The following MACF1 variants were observed in gnomAD, a reference collection of about 807,000 sequenced individuals.
The protein encoded by MACF1 is microtubule actin crosslinking factor 1, also known as microtubule-actin cross-linking factor 1.
MACF1 carries 193 observed loss-of-function variants against 854.8 expected under a neutral mutation model. The ratio of observed to expected loss-of-function variants is 0.23; its 90% CI spans 0.20 to 0.25. The LOEUF (loss-of-function observed/expected upper bound fraction) is 0.25. Ranked by LOEUF, MACF1 falls within the 10% of genes least tolerant of loss-of-function variation. MACF1 has a pLI of 1.00. For synonymous variants in MACF1, 3,185 were observed against 3,226.7 expected (o/e 0.99, Z 0.44); for missense variants, 7,722 against 8,929.1 (o/e 0.86, Z 5.45).
Position 39,335,627 on chromosome 1 carries a change from A to G in MACF1, c.9039A>G (p.Ile3013Met). The G allele has an allele frequency of 1.2e-6, 2 of 1,614,196 alleles. No homozygotes were observed. Among genetic ancestry groups the G allele is most frequent in the Non-Finnish European group, 8.5e-7 (1 of 1,180,022 alleles). The change falls in exon 37 of 101, where the codon ATA becomes ATG. Residue 3013 changes from isoleucine to methionine, a missense_variant. Coordinates refer to ENST00000564288, the MANE Select transcript of MACF1 (RefSeq NM_001394062.1). ...TTAGAGATGAGCATGACTCCCATAT[A>G]AAGAGCCAACCTAGGGAAATGACCT... Reference protein sequence around the residue: ...TAIRDEHDSHIKSQPREMTSS... With the variant: ...TAIRDEHDSHMKSQPREMTSS...
intron 58 of MACF1, chr1:39,411,102 G>A (rs372520363): frequency 2.5e-5 from 41 of 1,613,380 alleles, no homozygotes; most frequent in Admixed American, 6.7e-5. Flanking sequence ...ACCCCCTTGG[G>A]GACACAGCCT....
At chr1:39,300,507 T>TAA (rs35489653) in intron 22 of MACF1, 145 bp downstream of exon 22, 72,207 of 494,684 alleles carry the variant, frequency 0.15, no homozygotes, top group East Asian at 0.19. Context: ...TCCTATCATT[T>TAA]AAAAAAAAAA....
chr1:39,096,046 G>A (rs1249898620), intron 2 of MACF1, among the ~76,000 whole-genome samples: 1 of 151,880 alleles, frequency 6.6e-6, no homozygotes, highest in Non-Finnish European at 1.5e-5. Flanking sequence ...GCACATACCT[G>A]TGGACCCAAC....
intron 6 of MACF1, among the ~76,000 whole-genome samples, chr1:39,268,101 A>T (rs1310892562): frequency 1.3e-5 from 2 of 152,190 alleles, no homozygotes; most frequent in African/African-American, 2.4e-5. Context: ...TTTGGGAGCC[A>T]TAATTGCAGC....
At position 39,340,810 on chromosome 1, in the gene MACF1, G is replaced by A; in HGVS notation, c.10438G>A (p.Val3480Met). The change falls in exon 40 of 101, where the codon GTG becomes ATG. Residue 3480 changes from valine to methionine, a missense_variant. By Grantham distance (21) the Val-to-Met change is conservative. Transcript: ENST00000564288. Reference sequence around the variant, plus strand: ...TTTTCCATTTATTTCTTAGACTAAAGTGTTAAATCAGCACACACAGCTAGA... The same window carrying A: ...TTTTCCATTTATTTCTTAGACTAAAATGTTAAATCAGCACACACAGCTAGA... ...QNAVEIEKTK[V>M]LNQHTQLEGR... 2 of 1,613,038 alleles carry A rather than the reference G, an allele frequency of 1.2e-6. No individual in the cohort carries two copies. The highest frequency in any genetic ancestry group is 1.7e-6 in the Non-Finnish European group (2 of 1,179,732).
Position 39,451,164 on chromosome 1 carries a change from G to C in MACF1, c.20371G>C (p.Val6791Leu). The change falls in exon 85 of 101, where the codon GTG becomes CTG. Residue 6791 changes from valine (V) to leucine (L), a missense_variant. By Grantham distance (32) the Val-to-Leu change is conservative (BLOSUM62 1). This residue lies in a region of MACF1 where 729 missense variants were observed against 900.5 expected (regional missense o/e 0.81). Transcript: ENST00000564288. ...GCCACAGCTGGCTGAGGACCAGCCC[G>C]TGCACGGGGACCTTGACCTCGTCAT... Reference protein sequence around the residue: ...VEPQLAEDQPVHGDLDLVMNL... With the variant: ...VEPQLAEDQPLHGDLDLVMNL... The C allele has an allele frequency of 6.2e-7, 1 of 1,614,136 alleles. No individual in the cohort carries two copies. The highest frequency in any genetic ancestry group is 8.5e-7 in the Non-Finnish European group (1 of 1,180,006).
chr1:39,133,772 T>G (rs1269857565), intron 2 of MACF1, among the ~76,000 whole-genome samples: 1 of 152,208 alleles, frequency 6.6e-6, no homozygotes, highest in Non-Finnish European at 1.5e-5. Flanking sequence ...ATACATTGTT[T>G]GCTGTACAAT....
chr1:39,240,566 T>G (rs1644910416), intron 2 of MACF1, among the ~76,000 whole-genome samples: 1 of 152,242 alleles, frequency 6.6e-6, no homozygotes, highest in African/African-American at 2.4e-5. Context: ...TGGTGCGATC[T>G]TGGCTCACTG....
At chr1:39,263,930 C>T (rs1307489535) in intron 6 of MACF1, among the ~76,000 whole-genome samples, 4 of 151,800 alleles carry the variant, frequency 2.6e-5, no homozygotes, top group African/African-American at 9.7e-5. Flanking sequence ...CCCGCCACCA[C>T]ACCCGGCTAA....
intron 84 of MACF1, among the ~76,000 whole-genome samples, chr1:39,450,051 ACGGG>A (rs1476170854): frequency 6.6e-6 from 1 of 151,646 alleles, no homozygotes; most frequent in Non-Finnish European, 1.5e-5. Flanking sequence ...TTTATTAGAG[ACGGG>A]GTTTCACCAT....
Position 39,422,791 on chromosome 1 carries a change from C to G in MACF1, c.16040C>G (p.Ala5347Gly). The change falls in exon 60 of 101, where the codon GCC (alanine) becomes GGC (glycine). Residue 5347 changes from alanine to glycine, a missense_variant. Ala to Gly is a moderately conservative substitution (Grantham distance 60). This residue lies in a region of MACF1 where 2,807 missense variants were observed against 3,235.8 expected (regional missense o/e 0.87). Coordinates refer to ENST00000564288, the MANE Select transcript of MACF1 (RefSeq NM_001394062.1). ...TTGCATTGTGGGAAGTTTCAAGATG[C>G]CTTGGAGCCATTGCTCAGCTGGTTG... ...ALLHCGKFQD[A>G]LEPLLSWLAD... 6.2e-7 allele frequency: 1 copy of G among 1,614,162 alleles called. No individual in the cohort carries two copies. Among genetic ancestry groups the G allele is most frequent in the Non-Finnish European group, 8.5e-7 (1 of 1,180,028 alleles).
chr1:39,363,269 C>G (rs997500386), intron 49 of MACF1, among the ~76,000 whole-genome samples: 3 of 152,096 alleles, frequency 2.0e-5, no homozygotes, highest in Non-Finnish European at 4.4e-5. Context: ...TAAAACTCTT[C>G]AAAAAGTTAT....
chr1:39,129,994 T>C (rs898259437), intron 2 of MACF1, among the ~76,000 whole-genome samples: 1 of 152,216 alleles, frequency 6.6e-6, no homozygotes, highest in Admixed American at 6.5e-5. Flanking sequence ...TTTTGATTGC[T>C]TGATTTAGGG....
At chr1:39,194,273 G>T (rs758032543) in intron 2 of MACF1, among the ~76,000 whole-genome samples, 1 of 150,912 alleles carries the variant, frequency 6.6e-6, no homozygotes, top group Non-Finnish European at 1.5e-5. Flanking sequence ...TCTAGAGTTA[G>T]ATCCTGGGCA....
intron 2 of MACF1, among the ~76,000 whole-genome samples, chr1:39,234,335 A>T (rs1644825523): frequency 6.6e-6 from 1 of 151,550 alleles, no homozygotes; most frequent in Non-Finnish European, 1.5e-5. Context: ...GTGGCCGGGC[A>T]GAGGGGCTCC....
At chr1:39,171,981 T>G (rs568502539) in intron 2 of MACF1, among the ~76,000 whole-genome samples, 4 of 152,376 alleles carry the variant, frequency 2.6e-5, no homozygotes, top group Admixed American at 1.3e-4. Context: ...AGCCATTCAT[T>G]TATTGTTGAA....
At chr1:39,360,273 A>G (rs1648069592) in intron 47 of MACF1, among the ~76,000 whole-genome samples, 1 of 151,618 alleles carries the variant, frequency 6.6e-6, no homozygotes, top group South Asian at 2.1e-4. Flanking sequence ...CTTCTCGAGG[A>G]CAGTACTTCT....
In MACF1 at chr1:39,484,327, G is replaced by A. The variant is rs1213369816; in HGVS notation, c.22282-274G>A. On this transcript the variant is annotated intron_variant, in intron 99 of 100. Coordinates refer to ENST00000564288, the MANE Select transcript of MACF1 (RefSeq NM_001394062.1). ...TTGTTGTAACTATTGTATTCTTACT[G>A]AGGATTTTTTTTTTTTCATTTCTAG... 5.9e-5 allele frequency among the ~76,000 whole-genome samples: 6 copies of A among 100,876 alleles called. No homozygotes were observed. In the Admixed American group the frequency reaches 6.9e-4, roughly 12 times the overall value. 66.2% of individuals were successfully genotyped at this position (100,876 alleles called of 152,430 possible).
intron 2 of MACF1, among the ~76,000 whole-genome samples, chr1:39,136,377 G>C (rs1045319743): frequency 6.6e-6 from 1 of 152,194 alleles, no homozygotes; most frequent in African/African-American, 2.4e-5. Flanking sequence ...GCTTATGCTG[G>C]ACATGGGTGG....
Sources: gnomAD v4.1 joint callset for allele counts (sites outside exome capture counted in the v4.1 genomes callset) on GRCh38, gnomAD v4.1.1 for gene constraint, gnomAD v4.1.1 regional missense constraint, MANE v1.5 for transcripts, NCBI Gene and HGNC (gene_info 2026-07-23, HGNC 2026-07-21) for gene names.